FMN1: variants seen among roughly 807,000 people sequenced by gnomAD.
FMN1 encodes formin 1, also known as formin-1.
A neutral mutation model predicts 132.4 loss-of-function variants in FMN1; 110 were observed. The ratio of observed to expected loss-of-function variants is 0.83; its 90% CI spans 0.71 to 0.97. The LOEUF (loss-of-function observed/expected upper bound fraction) is 0.97. Ranked by LOEUF, FMN1 falls within the 50% of genes least tolerant of loss-of-function variation. The pLI is 0.00. For missense variants in FMN1, 1,792 were observed against 1,705.3 expected (o/e 1.05, Z -0.90); for synonymous variants, 722 against 651.7 (o/e 1.11, Z -1.64).
At chr15:33,080,193 T>C (rs912302732) in intron 5 of FMN1, among the ~76,000 whole-genome samples, 11 of 152,184 alleles carry the variant, frequency 7.2e-5, no homozygotes, top group African/African-American at 2.2e-4. Context: ...TTGGCTTCCA[T>C]GGAAACAATA....
intron 14 of FMN1, 24 bp from the exon 15 acceptor site, chr15:32,898,917 A>T (rs1012155451): frequency 6.8e-7 from 1 of 1,473,520 alleles, no homozygotes; most frequent in Non-Finnish European, 9.5e-7. Context: ...AGAAATGTAC[A>T]TGAAAATCAT....
intron 10 of FMN1, among the ~76,000 whole-genome samples, chr15:32,911,768 G>C (rs76093428): frequency 0.064 from 9,681 of 152,118 alleles, 447 homozygotes; most frequent in Middle Eastern, 0.15. Flanking sequence ...TAATATGCTA[G>C]AGTCAAAGTA....
chr15:33,055,249 C>G (rs1320215318), intron 6 of FMN1, among the ~76,000 whole-genome samples: 1 of 152,180 alleles, frequency 6.6e-6, no homozygotes, highest in African/African-American at 2.4e-5. Context: ...AATAGTAACT[C>G]TTTCAACCAA....
At chr15:32,988,588 G>A (rs990151151) in intron 7 of FMN1, among the ~76,000 whole-genome samples, 1 of 152,194 alleles carries the variant, frequency 6.6e-6, no homozygotes, top group African/African-American at 2.4e-5. Flanking sequence ...CATAAATGAT[G>A]GGGCAATGGA....
chr15:32,965,068 C>G (rs907507992), intron 8 of FMN1, among the ~76,000 whole-genome samples: 1 of 152,090 alleles, frequency 6.6e-6, no homozygotes, highest in African/African-American at 2.4e-5. Flanking sequence ...ACACATCTCC[C>G]AAATGTTTAC....
chr15:33,099,657 T>C (rs985463825), intron 4 of FMN1, among the ~76,000 whole-genome samples: 1 of 152,196 alleles, frequency 6.6e-6, no homozygotes, highest in Non-Finnish European at 1.5e-5. Flanking sequence ...TAAATGCATA[T>C]TAGATTTAAG....
chr15:32,917,622 A>G (rs1252861749), intron 10 of FMN1, among the ~76,000 whole-genome samples: 1 of 152,230 alleles, frequency 6.6e-6, no homozygotes, highest in Non-Finnish European at 1.5e-5. Flanking sequence ...ACTAAGGCAC[A>G]AAGTCACACT....
chr15:33,070,650 C>T (rs917453982), intron 5 of FMN1, among the ~76,000 whole-genome samples: 5 of 152,080 alleles, frequency 3.3e-5, no homozygotes, highest in Admixed American at 6.5e-5. Context: ...ATTTCATCCC[C>T]TTGGCTCTAG....
Position 33,029,453 on chromosome 15 carries a change from C to T in FMN1, c.2162-21378G>A, listed in dbSNP as rs568954426. Reference sequence around the variant, plus strand: ...ACTTGAAATAGCAGCTGTTGAGAGTCGCGTGTAGACTAGGAACACACGCTA... The same window carrying T: ...ACTTGAAATAGCAGCTGTTGAGAGTTGCGTGTAGACTAGGAACACACGCTA... On this transcript the variant is annotated intron_variant, in intron 6 of 20. Coordinates refer to ENST00000616417, the MANE Select transcript of FMN1 (RefSeq NM_001277313.2). 2.0e-5 allele frequency among the ~76,000 whole-genome samples: 3 copies of T among 151,996 alleles called. 1 individual carries two copies. The highest frequency in any genetic ancestry group is 4.2e-4 in the South Asian group (2 of 4,806).
chr15:32,889,116 A>T (rs1255461952), intron 15 of FMN1, among the ~76,000 whole-genome samples: 3 of 152,094 alleles, frequency 2.0e-5, no homozygotes, highest in African/African-American at 7.2e-5. Flanking sequence ...TGGCTTCCCC[A>T]AAATTCTTCA....
At chr15:33,119,821 G>A (rs1198952968) in intron 4 of FMN1, among the ~76,000 whole-genome samples, 3 of 152,030 alleles carry the variant, frequency 2.0e-5, no homozygotes, top group Admixed American at 1.3e-4. Context: ...CTTCTTCTTT[G>A]CTCTCATAAA....
At chr15:32,783,667 C>T (rs556621534) in intron 19 of FMN1, among the ~76,000 whole-genome samples, 9 of 140,694 alleles carry the variant, frequency 6.4e-5, no homozygotes, top group Admixed American at 1.5e-4. Flanking sequence ...GGCGTGAACC[C>T]GGGGTCGGGG....
chr15:32,941,533 A>G (rs1366588846), intron 9 of FMN1, among the ~76,000 whole-genome samples: 1 of 152,238 alleles, frequency 6.6e-6, no homozygotes, highest in Non-Finnish European at 1.5e-5. Context: ...ACTTCAGCTA[A>G]TTGTAAATAC....
chr15:33,154,557 G>C lies in FMN1; in HGVS notation c.358C>G (p.Gln120Glu). The change falls in exon 4 of 21, where the codon CAA becomes GAA. Residue 120 changes from glutamine to glutamate, a missense_variant. Physicochemically the swap from Gln to Glu is conservative, Grantham distance 29. Around this residue, in one of 3 missense-constraint regions of FMN1, gnomAD observed 638 missense variants for 645.2 expected, o/e 0.99. Coordinates refer to ENST00000616417, the MANE Select transcript of FMN1 (RefSeq NM_001277313.2). The part of the protein sequence containing the change: ...ITMGNQEGKL[Q>E]ELSVSLAPED... ...GGGGCCAGGCTCACGGACAGCTCTTGCAGCTTCCCCTCCTGGTTCCCCATC... is the reference window on the plus strand; with the variant it reads ...GGGGCCAGGCTCACGGACAGCTCTTCCAGCTTCCCCTCCTGGTTCCCCATC... The C allele has an allele frequency of 6.5e-7, 1 of 1,536,100 alleles. No homozygotes were observed. The highest frequency in any genetic ancestry group is 8.7e-7 in the Non-Finnish European group (1 of 1,146,902).
At chr15:33,110,682 A>G (rs1595493226) in intron 4 of FMN1, among the ~76,000 whole-genome samples, 1 of 127,600 alleles carries the variant, frequency 7.8e-6, no homozygotes, top group Admixed American at 7.8e-5. Context: ...TTAAATTTAT[A>G]TAAACACAGA....
chr15:33,112,716 C>T (rs566488946), intron 4 of FMN1, among the ~76,000 whole-genome samples: 3 of 152,104 alleles, frequency 2.0e-5, no homozygotes, highest in Non-Finnish European at 4.4e-5. Context: ...ATAACAGTCA[C>T]GGCTGCCCAA....
rs555760509 is a variant in FMN1, at chr15:33,024,223, ATTTTTTTTTTTTTTTTTTTTTTT to A, written c.2162-16171_2162-16149del. On this transcript the variant is annotated intron_variant, in intron 6 of 20. Coordinates refer to ENST00000616417, the MANE Select transcript of FMN1 (RefSeq NM_001277313.2). Reference sequence around the variant, plus strand: ...GGGAATACTATTTCACACCTATCAGATTTTTTTTTTTTTTTTTTTTTTTTTTTTTTTTTTTTTTTGAGATGTGG... The same window carrying A: ...GGGAATACTATTTCACACCTATCAGATTTTTTTTTTTTTTTTGAGATGTGG... Among the ~76,000 whole-genome samples the A allele has an allele frequency of 1.2e-4, 11 of 88,018 alleles. No individual in the cohort carries two copies. The South Asian group carries it at 1.4e-3, about 11-fold the overall frequency. 57.7% of individuals were successfully genotyped at this position (88,018 alleles called of 152,430 possible).
intron 6 of FMN1, among the ~76,000 whole-genome samples, chr15:33,060,605 A>C (rs1455100581): frequency 2.0e-5 from 3 of 152,164 alleles, no homozygotes; most frequent in Admixed American, 6.5e-5. Context: ...ACTTTCAATA[A>C]CTACAATGTA....
chr15:32,948,681 A>C (rs1050551897), intron 9 of FMN1, among the ~76,000 whole-genome samples: 1 of 151,974 alleles, frequency 6.6e-6, no homozygotes, highest in African/African-American at 2.4e-5. Flanking sequence ...TGTATTATAC[A>C]TTTCTATTGC....
Sources: gnomAD v4.1 joint callset for allele counts (sites outside exome capture counted in the v4.1 genomes callset) on GRCh38, gnomAD v4.1.1 for gene constraint, gnomAD v4.1.1 regional missense constraint, MANE v1.5 for transcripts, NCBI Gene and HGNC (gene_info 2026-07-23, HGNC 2026-07-21) for gene names.